The following SLC35D4 variants were observed in gnomAD, a reference collection of about 807,000 sequenced individuals.
The protein encoded by SLC35D4 is UDP-N-acetylglucosamine transporter SLC35D4.
At chr18:23,357,566 T>TG in the SLC35D4 span, among the ~76,000 whole-genome samples, 1 of 152,222 alleles carries the variant, frequency 6.6e-6, no homozygotes, top group Admixed American at 6.5e-5. Flanking sequence ...CTCTCAGTTC[T>TG]GGGGGCCTGG....
chr18:23,274,100 A>G, the SLC35D4 span, among the ~76,000 whole-genome samples: 7 of 151,996 alleles, frequency 4.6e-5, no homozygotes, highest in Admixed American at 3.3e-4. Context: ...ACGCCTGGCT[A>G]GTTTTTAAAT....
At chr18:23,295,066 T>A in the SLC35D4 span, among the ~76,000 whole-genome samples, 1 of 150,238 alleles carries the variant, frequency 6.7e-6, no homozygotes, top group African/African-American at 2.5e-5. Flanking sequence ...TTGTATAGAG[T>A]TTTACAGGAG....
At chr18:23,404,048 G>A in the SLC35D4 span, among the ~76,000 whole-genome samples, 1 of 152,042 alleles carries the variant, frequency 6.6e-6, no homozygotes. Context: ...AATCTGGAAG[G>A]CAGAGATTGC....
At chr18:23,416,593 T>C in the SLC35D4 span, among the ~76,000 whole-genome samples, 1 of 152,188 alleles carries the variant, frequency 6.6e-6, no homozygotes, top group South Asian at 2.1e-4. Context: ...GTAACGCTCC[T>C]TTGCCAAGGG....
the SLC35D4 span, among the ~76,000 whole-genome samples, chr18:23,309,180 C>T: frequency 6.6e-6 from 1 of 150,624 alleles, no homozygotes; most frequent in Non-Finnish European, 1.5e-5. Context: ...TGTTGACCCA[C>T]AGTTGGTTTA....
chr18:23,382,425 G>A, the SLC35D4 span, among the ~76,000 whole-genome samples: 1 of 151,946 alleles, frequency 6.6e-6, no homozygotes, highest in African/African-American at 2.4e-5. Flanking sequence ...AGAGCTCTGA[G>A]GAGAACCACC....
the SLC35D4 span, among the ~76,000 whole-genome samples, chr18:23,289,235 T>C: frequency 8.5e-5 from 13 of 152,372 alleles, 1 homozygote; most frequent in Middle Eastern, 0.01. Flanking sequence ...ACCTCCACTG[T>C]TAACTCTTAA....
chr18:23,398,599 CT>C, the SLC35D4 span, among the ~76,000 whole-genome samples: 1 of 152,188 alleles, frequency 6.6e-6, no homozygotes, highest in Non-Finnish European at 1.5e-5. Flanking sequence ...ATCACCCCAT[CT>C]ACTCAAGCTT....
chr18:23,267,982 T>G, the SLC35D4 span, among the ~76,000 whole-genome samples: 1 of 152,220 alleles, frequency 6.6e-6, no homozygotes, highest in Non-Finnish European at 1.5e-5. Flanking sequence ...TTGGGTCATT[T>G]AGGTCCTGGG....
chr18:23,352,484 G>A, the SLC35D4 span, among the ~76,000 whole-genome samples: 18 of 152,310 alleles, frequency 1.2e-4, no homozygotes, highest in Middle Eastern at 3.4e-3. Context: ...TTTCTAAGGA[G>A]CTATGGTGGG....
chr18:23,285,202 C>T, the SLC35D4 span, among the ~76,000 whole-genome samples: 2 of 152,158 alleles, frequency 1.3e-5, no homozygotes, highest in South Asian at 2.1e-4. Flanking sequence ...TTCCATGCCC[C>T]GACCCCTGTC....
chr18:23,308,338 T>C, the SLC35D4 span, among the ~76,000 whole-genome samples: 8 of 152,162 alleles, frequency 5.3e-5, no homozygotes. Context: ...GATCTATTCC[T>C]GTATCTCCAC....
At chr18:23,253,846 G>C in the SLC35D4 span, 1 of 1,614,218 alleles carries the variant, frequency 6.2e-7, no homozygotes, top group Non-Finnish European at 8.5e-7. Flanking sequence ...TCAACAAACA[G>C]AACCGGAAGC....
chr18:23,356,304 G>A, the SLC35D4 span, among the ~76,000 whole-genome samples: 1 of 152,186 alleles, frequency 6.6e-6, no homozygotes, highest in Non-Finnish European at 1.5e-5. The surrounding 1 kb of genome is among the most constrained non-coding windows in gnomAD (Gnocchi z 4.1). Flanking sequence ...TTTGCTTGTG[G>A]AGGAGGAAAA....
At chr18:23,414,672 CA>C in the SLC35D4 span, among the ~76,000 whole-genome samples, 129 of 135,474 alleles carry the variant, frequency 9.5e-4, no homozygotes, top group Admixed American at 9.0e-4. Context: ...AACTCCATCT[CA>C]AAAAAAAAAA....
chr18:23,302,434 G>A, the SLC35D4 span, among the ~76,000 whole-genome samples: 6 of 152,182 alleles, frequency 3.9e-5, no homozygotes, highest in Non-Finnish European at 1.5e-5. Flanking sequence ...TCTAGCGAGT[G>A]GGGTTCAGGT....
chr18:23,298,211 A>C, the SLC35D4 span: 2 of 916,252 alleles, frequency 2.2e-6, no homozygotes, highest in South Asian at 3.0e-5. Flanking sequence ...CTTCCAGGTC[A>C]AGCCCAGGAA....
chr18:23,245,002 G>A, the SLC35D4 span, among the ~76,000 whole-genome samples: 2 of 152,210 alleles, frequency 1.3e-5, no homozygotes, highest in African/African-American at 4.8e-5. Context: ...GTTGGAATCA[G>A]ACCAACAACC....
the SLC35D4 span, among the ~76,000 whole-genome samples, chr18:23,273,790 G>A: frequency 6.6e-6 from 1 of 152,176 alleles, no homozygotes; most frequent in African/African-American, 2.4e-5. Context: ...TCTGCTTGCT[G>A]ATGGTCATAA....
Sources: gnomAD v4.1 joint callset for allele counts (sites outside exome capture counted in the v4.1 genomes callset) on GRCh38, gnomAD v4.1.1 for gene constraint, Gnocchi (gnomAD v3.1) non-coding constraint, MANE v1.5 for transcripts, NCBI Gene and HGNC (gene_info 2026-07-23, HGNC 2026-07-21) for gene names.